Variants in RASGRP1 observed in about 807,000 individuals in gnomAD.
The protein encoded by RASGRP1 is RAS guanyl-releasing protein 1.
A neutral mutation model predicts 95.1 loss-of-function variants in RASGRP1; 37 were observed. The observed-to-expected ratio is 0.39, with a 90% CI of 0.30 to 0.51. The LOEUF (loss-of-function observed/expected upper bound fraction) is 0.51. RASGRP1 is among the 20% of genes least tolerant of loss of function. The probability of loss-of-function intolerance (pLI) is 0.80; values close to 1 mark genes in which losing one functional copy is unlikely to be tolerated. For missense variants in RASGRP1, 711 were observed against 965.4 expected, an observed-to-expected ratio of 0.74 and a Z score of 3.49; for synonymous variants, 325 against 353.4, an observed-to-expected ratio of 0.92 and a Z score of 0.90.
Position 38,498,831 on chromosome 15 carries a change from G to T in RASGRP1, c.1836C>A (p.Ser612=), listed in dbSNP as rs755781052. The change falls in exon 15 of 17, where the codon TCC becomes TCA. Residue 612 remains serine, a synonymous_variant. Transcript: ENST00000310803. ...CTTTGGCTCCCAATGAGCAAAGGTT[G>T]GACACTGGCCCCACAGAAGTGTTGT... The part of the protein sequence containing the change: ...TENNTSVGPV[S]NLCSLGAKDL... 5.6e-6 allele frequency: 9 copies of T among 1,613,556 alleles called. No homozygotes were observed. The African/African-American group carries it at 1.2e-4, about 22-fold the overall frequency.
chr15:38,493,192 T>C (rs1396878101), intron 16 of RASGRP1, among the ~76,000 whole-genome samples: 2 of 148,484 alleles, frequency 1.3e-5, no homozygotes, highest in African/African-American at 2.5e-5. Context: ...TTTTTTTTTT[T>C]TTTTTTTTTA....
At position 38,503,282 on chromosome 15, in the gene RASGRP1, C is replaced by G. The variant is rs1283414213; in HGVS notation, c.1418G>C (p.Arg473Thr). 6.2e-7 allele frequency: 1 copy of G among 1,608,086 alleles called. No homozygotes were observed. The highest frequency in any genetic ancestry group is 1.3e-5 in the African/African-American group (1 of 74,814). ...CACAGCTGTACTTACATCCACCATC[C>G]TCTGGACGTGTTTGCTAATGGTTTT... ...DPKTISKHVQ[R>T]MVDSVFKNYD... Residue 473 changes from arginine to threonine, a missense_variant, in exon 11 of 17, where the codon AGG (arginine) becomes ACG (threonine). Physicochemically the swap from Arg to Thr is moderately conservative, Grantham distance 71 (BLOSUM62 -1). This residue lies in a region of RASGRP1 where 491 missense variants were observed against 676.6 expected (regional missense o/e 0.73). Coordinates refer to ENST00000310803, the MANE Select transcript of RASGRP1 (RefSeq NM_005739.4).
intron 3 of RASGRP1, among the ~76,000 whole-genome samples, chr15:38,521,176 G>T (rs183014860): frequency 6.3e-4 from 96 of 152,264 alleles, no homozygotes; most frequent in Middle Eastern, 3.4e-3. Context: ...CTAAGAAAAT[G>T]CATCACTTCA....
At chr15:38,528,757 C>A (rs1332684338) in intron 2 of RASGRP1, among the ~76,000 whole-genome samples, 3 of 152,214 alleles carry the variant, frequency 2.0e-5, no homozygotes, top group Non-Finnish European at 2.9e-5. Flanking sequence ...TAGATGAACT[C>A]ATTTAGTCTC....
intron 14 of RASGRP1, among the ~76,000 whole-genome samples, chr15:38,499,759 C>T (rs1375099649): frequency 6.6e-6 from 1 of 152,196 alleles, no homozygotes; most frequent in African/African-American, 2.4e-5. Context: ...CCATAATCCC[C>T]ATGTGTCATG....
intron 4 of RASGRP1, 54 bp from the exon 5 acceptor site, chr15:38,518,477 A>G: frequency 6.4e-7 from 1 of 1,556,792 alleles, no homozygotes; most frequent in South Asian, 1.2e-5. Context: ...AGGACTCACA[A>G]TTTGTTGGGT....
chr15:38,488,162 G>A lies in RASGRP1; in HGVS notation c.*2392C>T, dbSNP rs1890425099. On this transcript the variant is annotated 3_prime_UTR_variant, in exon 17 of 17. Coordinates refer to ENST00000310803, the MANE Select transcript of RASGRP1 (RefSeq NM_005739.4). ...ATTACACAAAGAAAACTTACATTAGGTATCAAAAAACTTTACAATCTGTAC... is the reference window on the plus strand; with the variant it reads ...ATTACACAAAGAAAACTTACATTAGATATCAAAAAACTTTACAATCTGTAC... 6.6e-6 allele frequency: 1 copy of A among 151,888 alleles called. No individual in the cohort carries two copies. The highest frequency in any genetic ancestry group is 6.6e-5 in the Admixed American group (1 of 15,252). 9.4% of individuals were successfully genotyped at this position (151,888 alleles called of 1,614,324 possible).
At chr15:38,563,639 C>A (rs924488444) in intron 1 of RASGRP1, among the ~76,000 whole-genome samples, 1 of 152,208 alleles carries the variant, frequency 6.6e-6, no homozygotes, top group African/African-American at 2.4e-5. Flanking sequence ...CCTTACAATA[C>A]TCAATTTAAT....
intron 16 of RASGRP1, among the ~76,000 whole-genome samples, chr15:38,493,528 T>C (rs1248159244): frequency 1.3e-5 from 2 of 152,156 alleles, no homozygotes; most frequent in African/African-American, 4.8e-5. Context: ...GCACCATGTT[T>C]CCAAACTCTT....
Position 38,520,693 on chromosome 15 carries a change from A to C in RASGRP1, c.327-1322T>G, listed in dbSNP as rs2141130721. Among the ~76,000 whole-genome samples the C allele has an allele frequency of 2.0e-5, 3 of 152,278 alleles. No individual in the cohort carries two copies. The Middle Eastern group carries it at 0.01, about 518-fold the overall frequency. Reference sequence around the variant, plus strand: ...ATAAAAAACTATTTAGAATTCAGGGAGGTATCTGAAGCACTTAAAAATTAT... The same window carrying C: ...ATAAAAAACTATTTAGAATTCAGGGCGGTATCTGAAGCACTTAAAAATTAT... On this transcript the variant is annotated intron_variant, in intron 3 of 16. Transcript: ENST00000310803.
chr15:38,559,763 A>T, intron 2 of RASGRP1, 58 bp downstream of exon 2: 1 of 1,518,782 alleles, frequency 6.6e-7, no homozygotes, highest in Non-Finnish European at 9.0e-7. Context: ...AAGCACTTTT[A>T]AAGGACGAAC....
intron 6 of RASGRP1, among the ~76,000 whole-genome samples, chr15:38,515,834 T>TGATTATCAGGGGTATGAG (rs577806114): frequency 2.8e-5 from 4 of 141,642 alleles, no homozygotes; most frequent in Non-Finnish European, 6.1e-5. Flanking sequence ...TGAAGCCTAA[T>TGATTATCAGGGGTATGAG]GATTATCAGG....
chr15:38,526,712 G>A (rs1434967182), intron 2 of RASGRP1, among the ~76,000 whole-genome samples: 1 of 152,080 alleles, frequency 6.6e-6, no homozygotes, highest in Non-Finnish European at 1.5e-5. Flanking sequence ...GGTTTTGTGG[G>A]GCCTAAAGTT....
intron 3 of RASGRP1, among the ~76,000 whole-genome samples, chr15:38,520,488 A>G (rs1366460924): frequency 6.6e-6 from 1 of 152,228 alleles, no homozygotes; most frequent in Non-Finnish European, 1.5e-5. Flanking sequence ...TTGAAATTGT[A>G]TATGCTTGTA....
At position 38,518,435 on chromosome 15, in the gene RASGRP1, G is replaced by A. The variant is rs375109744; in HGVS notation, c.390-12C>T. On this transcript the variant is annotated splice_polypyrimidine_tract_variant and intron_variant, in intron 4 of 16. Transcript: ENST00000310803. Reference sequence around the variant, plus strand: ...CTGTTATCCAATACCTACAAGGAGGGGGTTAAAAAACACAATCCAAAACTG... The same window carrying A: ...CTGTTATCCAATACCTACAAGGAGGAGGTTAAAAAACACAATCCAAAACTG... 13 of 1,594,476 alleles carry A rather than the reference G, an allele frequency of 8.2e-6. No individual in the cohort carries two copies. The African/African-American group carries it at 1.6e-4, about 20-fold the overall frequency.
At position 38,512,778 on chromosome 15, in the gene RASGRP1, TTC is replaced by T. The variant is rs1891589029; in HGVS notation, c.849+3_849+4del. ...CAAGCCAAATGTCTTAAACCAGTTA[TTC>T]ACCTGAGCCACCTGGATGAACTTGA... On this transcript the variant is annotated splice_donor_region_variant and intron_variant, in intron 7 of 16. Transcript: ENST00000310803. The T allele has an allele frequency of 6.2e-7, 1 of 1,613,464 alleles. No homozygotes were observed. Among genetic ancestry groups the T allele is most frequent in the South Asian group, 1.1e-5 (1 of 91,076 alleles).
rs1464022694 is a variant in RASGRP1, at chr15:38,512,899, C to T, written c.733G>A (p.Glu245Lys). ...NSCVKENPTMERSIALCNGIS... is the reference protein window; with the variant it reads ...NSCVKENPTMKRSIALCNGIS... Reference sequence around the variant, plus strand: ...CCGTTGCACAGAGCAATAGATCGCTCCATGGTGGGGTTTTCCTTCACACAG... The same window carrying T: ...CCGTTGCACAGAGCAATAGATCGCTTCATGGTGGGGTTTTCCTTCACACAG... The change falls in exon 7 of 17, where the codon GAG becomes AAG. Residue 245 changes from glutamate to lysine, a missense_variant. By Grantham distance (56) the Glu-to-Lys change is moderately conservative (BLOSUM62 1). Around this residue, in one of 3 missense-constraint regions of RASGRP1, gnomAD observed 491 missense variants for 676.6 expected, o/e 0.73. Coordinates refer to ENST00000310803, the MANE Select transcript of RASGRP1 (RefSeq NM_005739.4). 6.2e-7 allele frequency: 1 copy of T among 1,606,372 alleles called. No homozygotes were observed. Among genetic ancestry groups the T allele is most frequent in the Non-Finnish European group, 8.5e-7 (1 of 1,177,170 alleles).
intron 10 of RASGRP1, 188 bp from the exon 11 acceptor site, chr15:38,503,564 T>G (rs1416703183): frequency 5.0e-6 from 3 of 601,842 alleles, no homozygotes; most frequent in Non-Finnish European, 8.8e-6. Flanking sequence ...GGCATTGTGC[T>G]TACGGTTTCC....
chr15:38,511,715 G>T lies in RASGRP1; in HGVS notation c.855C>A (p.Leu285=). The change falls in exon 8 of 17, where the codon CTC becomes CTA. Residue 285 remains leucine, a synonymous_variant. Transcript: ENST00000310803. ...GTGTATTGAAGTTCTGTAGTTGGTGGAGCTTCTGTGACACAGAAGACAGAT... is the reference window on the plus strand; with the variant it reads ...GTGTATTGAAGTTCTGTAGTTGGTGTAGCTTCTGTGACACAGAAGACAGAT... The part of the protein sequence containing the change: ...FIKFIQVAQK[L]HQLQNFNTLM... 6.2e-7 allele frequency: 1 copy of T among 1,612,312 alleles called. No individual in the cohort carries two copies. The highest frequency in any genetic ancestry group is 1.1e-5 in the South Asian group (1 of 91,022).
Sources: gnomAD v4.1 joint callset for allele counts (sites outside exome capture counted in the v4.1 genomes callset) on GRCh38, gnomAD v4.1.1 for gene constraint, gnomAD v4.1.1 regional missense constraint, MANE v1.5 for transcripts, NCBI Gene and HGNC (gene_info 2026-07-23, HGNC 2026-07-21) for gene names.